Variants in HHATL observed in about 807,000 individuals in gnomAD.
HHATL encodes the protein protein-cysteine N-palmitoyltransferase HHAT-like protein.
Under a neutral mutation model 59.7 loss-of-function variants are expected in HHATL, and 49 were observed. The ratio of observed to expected loss-of-function variants is 0.82; its 90% confidence interval spans 0.65 to 1.04. The LOEUF (loss-of-function observed/expected upper bound fraction) is 1.04. Among genes scored for constraint, HHATL ranks in the 50% least tolerant of loss-of-function variants. The probability of loss-of-function intolerance (pLI) is 0.00; values close to 1 mark genes in which losing one functional copy is unlikely to be tolerated. For missense variants in HHATL, 605 were observed against 650.8 expected (o/e 0.93, Z 0.77); for synonymous variants, 238 against 257.3 (o/e 0.93, Z 0.72).
At position 42,693,218 on chromosome 3, in the gene HHATL, C is replaced by T. The variant is rs1268347686; in HGVS notation, c.1249G>A (p.Ala417Thr). The change falls in exon 11 of 12, where the codon GCC (alanine) becomes ACC (threonine). Residue 417 changes from alanine (A) to threonine (T), a missense_variant and splice_region_variant. Physicochemically the swap from Ala to Thr is moderately conservative, Grantham distance 58 (BLOSUM62 0). Coordinates refer to ENST00000441594, the MANE Select transcript of HHATL (RefSeq NM_020707.4). ...AEWGPLARIE[A>T]SLSVQMSRRV... ...CGGGACATCTGCACTGACAGAGAGG[C>T]CTATCCGGTCCAGGAAAGCATGGGC... 5.6e-6 allele frequency: 9 copies of T among 1,613,916 alleles called. No individual in the cohort carries two copies. The highest frequency in any genetic ancestry group is 7.6e-6 in the Non-Finnish European group (9 of 1,179,886).
At chr3:42,699,481 A>G (rs1249408640) in intron 3 of HHATL, among the ~76,000 whole-genome samples, 1 of 151,992 alleles carries the variant, frequency 6.6e-6, no homozygotes, top group African/African-American at 2.4e-5. Flanking sequence ...GTTGCCTGCC[A>G]TTCCCCCTTT....
Position 42,697,498 on chromosome 3 carries a change from G to T in HHATL, c.865+10C>A. On this transcript the variant is annotated intron_variant, in intron 7 of 11. Transcript: ENST00000441594. ...GCAGCCCTGCCCCCATTTCTCTTCT[G>T]TGGACCCACCGAGGGCACTGTCTGG... is the stretch of plus-strand genomic sequence containing the variant. 1.2e-6 allele frequency: 2 copies of T among 1,612,372 alleles called. No individual in the cohort carries two copies. Among genetic ancestry groups the T allele is most frequent in the Non-Finnish European group, 1.7e-6 (2 of 1,178,966 alleles).
At chr3:42,700,435 TC>T (rs950437167) in intron 2 of HHATL, among the ~76,000 whole-genome samples, 1 of 144,448 alleles carries the variant, frequency 6.9e-6, no homozygotes, top group Non-Finnish European at 1.5e-5. Context: ...TGTGTCTGGG[TC>T]CAGGCCTCTG....
At chr3:42,698,439 G>A (rs1193337950) in intron 5 of HHATL, 88 bp from the exon 6 acceptor site, 1 of 1,256,578 alleles carries the variant, frequency 8.0e-7, no homozygotes, top group Non-Finnish European at 1.1e-6. Context: ...TTCCCACAGG[G>A]GCCCAGCCTG....
Position 42,698,227 on chromosome 3 carries a change from G to T in HHATL, c.608C>A (p.Ser203Tyr), listed in dbSNP as rs759621241. Residue 203 changes from serine (S) to tyrosine (Y), a missense_variant, in exon 6 of 12, where the codon TCC becomes TAC. Ser to Tyr is a moderately radical substitution (Grantham distance 144, BLOSUM62 -2). Transcript: ENST00000441594. ...GTTGTACTTGAGCAGGTCAGCTAAG[G>T]AGTAGTGGCGGTCAGGGTGGGCACA... ...ESCAHPDRHYSLADLLKYNFY... is the reference protein window; with the variant it reads ...ESCAHPDRHYYLADLLKYNFY... 3.7e-5 allele frequency: 60 copies of T among 1,614,222 alleles called. No individual in the cohort carries two copies. Among genetic ancestry groups the T allele is most frequent in the Non-Finnish European group, 5.1e-5 (60 of 1,180,032 alleles).
In HHATL at chr3:42,698,822, AAGC is replaced by A. The variant is rs757779654; in HGVS notation, c.366_368del (p.Leu123del). 6 of 1,613,578 alleles carry A rather than the reference AAGC, an allele frequency of 3.7e-6. No homozygotes were observed. Among genetic ancestry groups the A allele is most frequent in the South Asian group, 2.2e-5 (2 of 91,016 alleles). Reference sequence around the variant, plus strand: ...CCACATAGAGGCCCACACAGTGACCAAGCAGCAGCAGCAGGTACCAAGGGCCCA... The same window carrying A: ...CCACATAGAGGCCCACACAGTGACCAAGCAGCAGCAGGTACCAAGGGCCCA... On this transcript the variant is annotated inframe_deletion, in exon 5 of 12. Transcript: ENST00000441594.
At chr3:42,700,689 C>A in intron 2 of HHATL, 32 bp downstream of exon 2, 2 of 1,482,522 alleles carry the variant, frequency 1.3e-6, no homozygotes, top group Non-Finnish European at 1.9e-6. Flanking sequence ...GAAGAAGGGT[C>A]CTGTCCACCT....
chr3:42,699,872 G>A, intron 2 of HHATL, 47 bp from the exon 3 acceptor site: 1 of 1,482,156 alleles, frequency 6.7e-7, no homozygotes, highest in Non-Finnish European at 9.2e-7. Flanking sequence ...CACATCCCCT[G>A]CCCCACCTTC....
rs770902649 is a variant in HHATL at position 42,698,137 on chromosome 3, C to T, written c.693+5G>A. The T allele has an allele frequency of 4.3e-6, 7 of 1,613,772 alleles. No individual in the cohort carries two copies. The highest frequency in any genetic ancestry group is 5.9e-6 in the Non-Finnish European group (7 of 1,179,806). On this transcript the variant is annotated splice_donor_5th_base_variant and intron_variant, in intron 6 of 11. Coordinates refer to ENST00000441594, the MANE Select transcript of HHATL (RefSeq NM_020707.4). ...GTTCTAGAAGCCCACAGGGTGTCCC[C>T]TCACCTGAGCATGGAAGCGATCAAA... is the stretch of plus-strand genomic sequence containing the variant.
intron 9 of HHATL, among the ~76,000 whole-genome samples, chr3:42,695,484 C>T (rs1697567308): frequency 6.6e-6 from 1 of 152,170 alleles, no homozygotes; most frequent in Non-Finnish European, 1.5e-5. Context: ...CCACCACCTC[C>T]AATACCACCT....
In HHATL at chr3:42,693,484, TCTGACAA is replaced by T. The variant is rs1349852830; in HGVS notation, c.1248+126_1248+132del. ...AGATTCCTACAGAGTGAGCCATTGCTCTGACAACTAAGAGGGTGGTGGTGAGAAAGTT... is the reference window on the plus strand; with the variant it reads ...AGATTCCTACAGAGTGAGCCATTGCTCTAAGAGGGTGGTGGTGAGAAAGTT... On this transcript the variant is annotated intron_variant, in intron 10 of 11. Coordinates refer to ENST00000441594, the MANE Select transcript of HHATL (RefSeq NM_020707.4). The T allele has an allele frequency of 4.7e-6, 4 of 843,412 alleles. No homozygotes were observed. The Admixed American group carries it at 9.3e-5, about 20-fold the overall frequency. 52.2% of individuals were successfully genotyped at this position (843,412 alleles called of 1,614,324 possible). A position where few individuals can be genotyped will look rare whatever the true frequency, so the allele number is the denominator to read the frequency against.
intron 5 of HHATL, 117 bp downstream of exon 5, chr3:42,698,591 G>A: frequency 2.3e-6 from 3 of 1,289,766 alleles, no homozygotes; most frequent in Non-Finnish European, 3.2e-6. Flanking sequence ...CCAAAGGCTT[G>A]AAGACAGGTG....
At chr3:42,693,559 A>T in intron 10 of HHATL, 58 bp downstream of exon 10, 12 of 1,436,838 alleles carry the variant, frequency 8.4e-6, no homozygotes, top group Non-Finnish European at 1.2e-5. Context: ...AGAAAGCAGC[A>T]GTGCCCCCCC....
rs961538293 is a variant in HHATL at position 42,702,705 on chromosome 3, C to T, written c.-140G>A. On this transcript the variant is annotated 5_prime_UTR_variant, in exon 1 of 12. Coordinates refer to ENST00000441594, the MANE Select transcript of HHATL (RefSeq NM_020707.4). ...GGTGGGGTGTGTCCAGCCCTGGGGT[C>T]CCCACCCCCTTGAGGTTATGAGCGG... is the stretch of plus-strand genomic sequence containing the variant. The T allele has an allele frequency of 2.0e-5, 3 of 152,862 alleles. No individual in the cohort carries two copies. The highest frequency in any genetic ancestry group is 6.5e-5 in the Admixed American group (1 of 15,286). 9.5% of individuals were successfully genotyped at this position (152,862 alleles called of 1,614,324 possible). A position where few individuals can be genotyped will look rare whatever the true frequency, so the allele number is the denominator to read the frequency against.
chr3:42,693,180 G>A lies in HHATL; in HGVS notation c.1287C>T (p.Ala429=), dbSNP rs772411332. ...LSVQMSRRVR[A]LFGAMNFWAI... The stretch of plus-strand genomic sequence containing the variant: ...CCCAGAAGTTCATGGCTCCAAACAG[G>A]GCCCGGACCCTACGGGACATCTGCA... Residue 429 remains alanine (A), a synonymous_variant, in exon 11 of 12, where the codon GCC becomes GCT. Coordinates refer to ENST00000441594, the MANE Select transcript of HHATL (RefSeq NM_020707.4). The A allele has an allele frequency of 6.2e-7, 1 of 1,614,026 alleles. No individual in the cohort carries two copies. The highest frequency in any genetic ancestry group is 1.3e-5 in the African/African-American group (1 of 74,900).
intron 2 of HHATL, among the ~76,000 whole-genome samples, 195 bp from the exon 3 acceptor site, chr3:42,700,020 G>GTC: frequency 6.6e-6 from 1 of 151,066 alleles, no homozygotes; most frequent in Admixed American, 6.6e-5. Context: ...GTGTGTGTGT[G>GTC]TGTGTTGGGG....
intron 2 of HHATL, among the ~76,000 whole-genome samples, chr3:42,700,212 CTGTG>C (rs1304096284): frequency 1.8e-5 from 2 of 109,654 alleles, no homozygotes; most frequent in African/African-American, 3.6e-5. Context: ...GTGTATATGT[CTGTG>C]TGTTTGTGTG....
In HHATL at chr3:42,698,799, A is replaced by T. The variant is rs1697777026; in HGVS notation, c.392T>A (p.Val131Glu). The T allele has an allele frequency of 1.9e-6, 3 of 1,613,530 alleles. No homozygotes were observed. The highest frequency in any genetic ancestry group is 2.5e-6 in the Non-Finnish European group (3 of 1,179,848). ...CCAGGGCTGGCCCAAAAGCGAGGCC[A>T]CATAGAGGCCCACACAGTGACCAAG... ...LLLGHCVGLY[V>E]ASLLGQPWLC... Residue 131 changes from valine (V) to glutamate (E), a missense_variant, in exon 5 of 12, where the codon GTG becomes GAG. Transcript: ENST00000441594.
In HHATL at chr3:42,698,836, G is replaced by T. The variant is rs767335218; in HGVS notation, c.355C>A (p.Leu119Met). The change falls in exon 5 of 12, where the codon CTG becomes ATG. Residue 119 changes from leucine to methionine, a missense_variant. Physicochemically the swap from Leu to Met is conservative, Grantham distance 15. Transcript: ENST00000441594. ...ACACAGTGACCAAGCAGCAGCAGCAGGTACCAAGGGCCCATTGTGCCCATC... is the reference window on the plus strand; with the variant it reads ...ACACAGTGACCAAGCAGCAGCAGCATGTACCAAGGGCCCATTGTGCCCATC... ...AVMGTMGPWYLLLLLGHCVGL... is the reference protein window; with the variant it reads ...AVMGTMGPWYMLLLLGHCVGL... 63 of 1,613,574 alleles carry T rather than the reference G, an allele frequency of 3.9e-5. No individual in the cohort carries two copies. Among genetic ancestry groups the T allele is most frequent in the Non-Finnish European group, 5.1e-5 (60 of 1,179,830 alleles).
Sources: gnomAD v4.1 joint callset for allele counts (sites outside exome capture counted in the v4.1 genomes callset) on GRCh38, gnomAD v4.1.1 for gene constraint, MANE v1.5 for transcripts, NCBI Gene and HGNC (gene_info 2026-07-23, HGNC 2026-07-21) for gene names.